The following RNF144A variants were observed in gnomAD, a reference collection of about 807,000 sequenced individuals.
RNF144A encodes the protein E3 ubiquitin-protein ligase RNF144A.
In RNF144A, 11 loss-of-function variants were observed where a neutral mutation model predicts 38.7. The observed-to-expected ratio is 0.28, with a 90% CI of 0.18 to 0.47. The LOEUF (loss-of-function observed/expected upper bound fraction) is 0.47, where lower values mean the gene tolerates loss of function less well. Ranked by LOEUF, RNF144A falls within the 20% of genes least tolerant of loss-of-function variation. The pLI, the probability that RNF144A is intolerant of heterozygous loss-of-function variation, is 0.99. For missense variants in RNF144A, 316 were observed against 377.2 expected, an observed-to-expected ratio of 0.84 and a Z score of 1.34; for synonymous variants, 149 against 143.9, an observed-to-expected ratio of 1.04 and a Z score of -0.25.
At chr2:7,026,587 A>G (rs886651075) in intron 7 of RNF144A, among the ~76,000 whole-genome samples, 2 of 151,152 alleles carry the variant, frequency 1.3e-5, no homozygotes, top group Non-Finnish European at 2.9e-5. Context: ...GTAACTTTCC[A>G]TAAAGAAGGA....
At chr2:6,947,596 G>A (rs1484442242) in intron 2 of RNF144A, among the ~76,000 whole-genome samples, 2 of 152,116 alleles carry the variant, frequency 1.3e-5, no homozygotes, top group Non-Finnish European at 2.9e-5. Flanking sequence ...TTTTTAAAAG[G>A]CAATATGCCA....
At chr2:6,927,682 A>G (rs985564034) in intron 1 of RNF144A, among the ~76,000 whole-genome samples, 1 of 152,236 alleles carries the variant, frequency 6.6e-6, no homozygotes, top group African/African-American at 2.4e-5. Flanking sequence ...CTGTGCTGTC[A>G]GTGGGTTTTG....
rs141958707 is a variant in RNF144A, at chr2:6,927,999, G to A, written c.-212+10377G>A. ...GATCCCAGCATGGACAGGGCCCCTC[G>A]CCTGCATCTGGGGGCCTGGTTTGTG... is the stretch of plus-strand genomic sequence containing the variant. On this transcript the variant is annotated intron_variant, in intron 1 of 8. Transcript: ENST00000320892. Among the ~76,000 whole-genome samples the A allele has an allele frequency of 8.0e-3, 1,215 of 152,188 alleles. 14 individuals are homozygous for A. The highest frequency in any genetic ancestry group is 0.028 in the African/African-American group (1,156 of 41,506).
chr2:6,981,719 A>G (rs6715577), intron 2 of RNF144A, among the ~76,000 whole-genome samples: 23,574 of 152,062 alleles, frequency 0.16, 1,882 homozygotes, highest in East Asian at 0.21. Flanking sequence ...GAGCCCTCCA[A>G]TCTGTTCCAA....
chr2:6,992,131 C>T (rs1041649695), intron 2 of RNF144A, among the ~76,000 whole-genome samples: 1 of 152,198 alleles, frequency 6.6e-6, no homozygotes, highest in Non-Finnish European at 1.5e-5. Context: ...CTTCGACCCA[C>T]ACAGCCTTGA....
downstream of RNF144A, among the ~76,000 whole-genome samples, chr2:7,047,971 G>C (rs1027571213): frequency 2.0e-5 from 3 of 152,160 alleles, no homozygotes; most frequent in Admixed American, 2.0e-4. Flanking sequence ...GCTTCCCTGG[G>C]CCTCTTCCTG....
intron 8 of RNF144A, among the ~76,000 whole-genome samples, chr2:7,037,812 T>G (rs1438296952): frequency 6.6e-6 from 1 of 152,238 alleles, no homozygotes; most frequent in Non-Finnish European, 1.5e-5. Context: ...TTTTACTTCA[T>G]TTGTTTATTT....
At chr2:6,995,426 G>T (rs1485379827) in intron 2 of RNF144A, among the ~76,000 whole-genome samples, 2 of 152,140 alleles carry the variant, frequency 1.3e-5, no homozygotes, top group Non-Finnish European at 2.9e-5. Context: ...ATAAAGGGGA[G>T]TTTGTTAGGT....
At chr2:6,989,873 A>T (rs906475863) in intron 2 of RNF144A, among the ~76,000 whole-genome samples, 7 of 152,052 alleles carry the variant, frequency 4.6e-5, no homozygotes, top group East Asian at 1.9e-4. Context: ...CCCTTTTCTT[A>T]AAAAAAAGAA....
chr2:7,015,798 C>T (rs891953085), intron 5 of RNF144A, among the ~76,000 whole-genome samples: 11 of 152,120 alleles, frequency 7.2e-5, no homozygotes, highest in African/African-American at 2.7e-4. Flanking sequence ...GGATTGCTGG[C>T]ATCTGCTCTC....
chr2:7,003,369 T>G (rs1282218812), intron 3 of RNF144A, among the ~76,000 whole-genome samples: 1 of 152,220 alleles, frequency 6.6e-6, no homozygotes, highest in Admixed American at 6.5e-5. Flanking sequence ...TGAGCTCTAT[T>G]CATGGTAAGC....
intron 2 of RNF144A, among the ~76,000 whole-genome samples, chr2:6,945,038 G>A (rs546010297): frequency 6.6e-6 from 1 of 152,354 alleles, no homozygotes; most frequent in South Asian, 2.1e-4. Flanking sequence ...GGAAATATCA[G>A]TAGTTTAAAA....
At chr2:7,072,396 T>A (rs372419415), downstream of RNF144A, among the ~76,000 whole-genome samples, 2 of 152,242 alleles carry the variant, frequency 1.3e-5, no homozygotes, top group East Asian at 1.9e-4. Context: ...GCCTGGTTTC[T>A]CTTTGCTGCT....
chr2:7,070,167 T>TCTCC (rs1674409240), downstream of RNF144A, among the ~76,000 whole-genome samples: 1 of 151,974 alleles, frequency 6.6e-6, no homozygotes, highest in Non-Finnish European at 1.5e-5. Flanking sequence ...TCTCTCTCTC[T>TCTCC]CTTTATTTTT....
At chr2:7,004,698 C>T (rs1367389653) in intron 3 of RNF144A, among the ~76,000 whole-genome samples, 3 of 152,196 alleles carry the variant, frequency 2.0e-5, no homozygotes, top group Non-Finnish European at 4.4e-5. Flanking sequence ...TGCTCCTCCC[C>T]CTTTCTCAAT....
intron 6 of RNF144A, among the ~76,000 whole-genome samples, chr2:7,049,896 A>G (rs1336110400): frequency 1.3e-5 from 2 of 152,216 alleles, no homozygotes; most frequent in African/African-American, 4.8e-5. Context: ...CAGGCTTAGG[A>G]GGGAAAGCAG....
chr2:7,036,746 A>G (rs1672705741), intron 8 of RNF144A, among the ~76,000 whole-genome samples: 1 of 152,200 alleles, frequency 6.6e-6, no homozygotes, highest in African/African-American at 2.4e-5. Flanking sequence ...CAGTGAATTA[A>G]TAGTGTTCCA....
At chr2:6,950,954 G>A (rs1666639632) in intron 2 of RNF144A, among the ~76,000 whole-genome samples, 1 of 152,070 alleles carries the variant, frequency 6.6e-6, no homozygotes, top group South Asian at 2.1e-4. Context: ...CCCAGTTTGT[G>A]TCATCCATTT....
chr2:7,015,673 A>G (rs999750446), intron 5 of RNF144A, among the ~76,000 whole-genome samples: 1 of 152,194 alleles, frequency 6.6e-6, no homozygotes, highest in East Asian at 1.9e-4. Flanking sequence ...CTTTGTTTTC[A>G]TATCTATTCT....
Sources: gnomAD v4.1 joint callset for allele counts (sites outside exome capture counted in the v4.1 genomes callset) on GRCh38, gnomAD v4.1.1 for gene constraint, MANE v1.5 for transcripts, NCBI Gene and HGNC (gene_info 2026-07-23, HGNC 2026-07-21) for gene names.